Variants in MTBP observed in about 807,000 individuals in gnomAD.
MTBP encodes the protein mdm2-binding protein.
A neutral mutation model predicts 117.0 loss-of-function variants in MTBP; 101 were observed. That is an observed-to-expected ratio of 0.86 (90% CI 0.73 to 1.02). MTBP has a LOEUF of 1.02. MTBP is among the 50% of genes least tolerant of loss of function. The pLI, the probability that MTBP is intolerant of heterozygous loss-of-function variation, is 0.00. For synonymous variants in MTBP, 350 were observed against 351.5 expected, an observed-to-expected ratio of 1.00 and a Z score of 0.05; for missense variants, 970 against 1,030.9, an observed-to-expected ratio of 0.94 and a Z score of 0.81.
chr8:120,447,673 C>T (rs917178002), intron 2 of MTBP, among the ~76,000 whole-genome samples: 3 of 151,946 alleles, frequency 2.0e-5, no homozygotes, highest in Non-Finnish European at 4.4e-5. Flanking sequence ...ATTAAAAATT[C>T]TCTTACTGTT....
chr8:120,509,608 C>T (rs557600379), intron 16 of MTBP, among the ~76,000 whole-genome samples: 1 of 151,886 alleles, frequency 6.6e-6, no homozygotes, highest in Non-Finnish European at 1.5e-5. Flanking sequence ...TCCCCACCGC[C>T]CCCCCAAAAA....
At chr8:120,497,368 T>C in intron 13 of MTBP, 25 bp from the exon 14 acceptor site, 1 of 1,570,502 alleles carries the variant, frequency 6.4e-7, no homozygotes, top group Non-Finnish European at 8.6e-7. Context: ...ACAAAATAAG[T>C]CAATTGTATT....
chr8:120,476,736 C>T (rs936367264), intron 11 of MTBP, among the ~76,000 whole-genome samples: 2 of 152,066 alleles, frequency 1.3e-5, no homozygotes, highest in African/African-American at 4.8e-5. Context: ...CAAAGCACTG[C>T]TCAAGGAAAT....
chr8:120,463,630 A>C, intron 9 of MTBP, 62 bp from the exon 10 acceptor site: 1 of 1,297,240 alleles, frequency 7.7e-7, no homozygotes, highest in Non-Finnish European at 1.1e-6. Context: ...AATGAAACTT[A>C]TTTTAAGGAG....
chr8:120,517,337 G>A (rs1563806967), intron 18 of MTBP, among the ~76,000 whole-genome samples: 1 of 151,958 alleles, frequency 6.6e-6, no homozygotes, highest in Non-Finnish European at 1.5e-5. Flanking sequence ...ATATTTAACA[G>A]ATTAGTATTA....
intron 14 of MTBP, among the ~76,000 whole-genome samples, chr8:120,501,016 C>T (rs1192350246): frequency 1.3e-5 from 2 of 152,008 alleles, no homozygotes; most frequent in Non-Finnish European, 2.9e-5. Context: ...ATGGTGAAAC[C>T]CCGTCCCTAC....
intron 11 of MTBP, among the ~76,000 whole-genome samples, chr8:120,480,831 A>T (rs923720556): frequency 1.8e-4 from 28 of 152,250 alleles, no homozygotes; most frequent in African/African-American, 6.3e-4. Context: ...GAAAAAGAAA[A>T]CAAATTTATA....
intron 2 of MTBP, among the ~76,000 whole-genome samples, chr8:120,450,701 A>G (rs1048488379): frequency 1.3e-5 from 2 of 152,172 alleles, no homozygotes; most frequent in African/African-American, 4.8e-5. Flanking sequence ...TGTATTTTCA[A>G]CATCTTTATG....
rs1814952553 is a variant in MTBP, at chr8:120,518,097, A to T, written c.2493A>T (p.Thr831=). 1.2e-6 allele frequency: 2 copies of T among 1,611,280 alleles called. No homozygotes were observed. Among genetic ancestry groups the T allele is most frequent in the South Asian group, 1.1e-5 (1 of 90,842 alleles). ...AGGAATCAAGATCACAGAAACACAC[A>T]CGGGTAAAGATTTATTTCCCATTTT... is the stretch of plus-strand genomic sequence containing the variant. ...QIKESRSQKH[T]RILKEVVTET... The change falls in exon 19 of 22, where the codon ACA becomes ACT. Residue 831 remains threonine, a synonymous_variant. Transcript: ENST00000305949.
At chr8:120,463,811 C>T (rs1348909034) in intron 10 of MTBP, 50 bp downstream of exon 10, 1 of 1,512,810 alleles carries the variant, frequency 6.6e-7, no homozygotes, top group Non-Finnish European at 9.1e-7. Flanking sequence ...TTATACTTGC[C>T]ATTTAAGGAT....
chr8:120,521,062 C>G (rs899436547), intron 20 of MTBP, among the ~76,000 whole-genome samples: 1 of 151,974 alleles, frequency 6.6e-6, no homozygotes, highest in Non-Finnish European at 1.5e-5. Context: ...GCAACTAGAA[C>G]AAATTAGAGG....
intron 11 of MTBP, among the ~76,000 whole-genome samples, chr8:120,478,230 A>G (rs967567798): frequency 1.6e-4 from 24 of 152,150 alleles, no homozygotes; most frequent in African/African-American, 5.1e-4. Flanking sequence ...AGGGAGGGGA[A>G]CATCACATAC....
At position 120,518,827 on chromosome 8, in the gene MTBP, C is replaced by G; in HGVS notation, c.2610+10C>G. ...TAAGTTCTATCTAAAGGTACGGTAT[C>G]TTCTCTACTAATGGCAAAATTTAGT... On this transcript the variant is annotated intron_variant, in intron 20 of 21. Coordinates refer to ENST00000305949, the MANE Select transcript of MTBP (RefSeq NM_022045.5). 1 of 1,569,474 alleles carries G rather than the reference C, an allele frequency of 6.4e-7. No homozygotes were observed.
At position 120,463,729 on chromosome 8, in the gene MTBP, C is replaced by T; in HGVS notation, c.1015C>T (p.Leu339=). 6.2e-7 allele frequency: 1 copy of T among 1,611,408 alleles called. No individual in the cohort carries two copies. Among genetic ancestry groups the T allele is most frequent in the Non-Finnish European group, 8.5e-7 (1 of 1,178,344 alleles). Residue 339 remains leucine (L), a synonymous_variant, in exon 10 of 22, where the codon CTG becomes TTG. Transcript: ENST00000305949. ...CAGTACCAAACAGAATTCTGTGTTG[C>T]TGTTGGAGCAGATTTCTTCTCTGTG... is the stretch of plus-strand genomic sequence containing the variant. ...TNSTKQNSVL[L]LEQISSLCSK... is the part of the protein sequence containing the mutation.
At chr8:120,489,741 A>G (rs1258268066) in intron 12 of MTBP, among the ~76,000 whole-genome samples, 4 of 152,176 alleles carry the variant, frequency 2.6e-5, no homozygotes, top group African/African-American at 9.6e-5. Context: ...CAGGCCCCCA[A>G]GGCTCACGAA....
At chr8:120,445,704 G>A in intron 1 of MTBP, 116 bp downstream of exon 1, 1 of 802,634 alleles carries the variant, frequency 1.2e-6, no homozygotes, top group Middle Eastern at 2.4e-4. Context: ...ACGAAGCTGG[G>A]ACTCTATCTG....
intron 14 of MTBP, among the ~76,000 whole-genome samples, chr8:120,501,172 CAG>C (rs1814577799): frequency 9.0e-6 from 1 of 111,298 alleles, no homozygotes; most frequent in Admixed American, 1.3e-4. Flanking sequence ...GCCTGGGTGA[CAG>C]AGTGAAACTC....
At position 120,506,621 on chromosome 8, in the gene MTBP, G is replaced by A. The variant is rs560960157; in HGVS notation, c.1728-85G>A. ...GTTTCTGCTCACATCTTCTTTTCCC[G>A]ACTGTGCTTTTTTTTTTTTTTGACT... is the stretch of plus-strand genomic sequence containing the variant. On this transcript the variant is annotated intron_variant, in intron 15 of 21. Transcript: ENST00000305949. 2.5e-5 allele frequency: 26 copies of A among 1,029,440 alleles called. No homozygotes were observed. In the East Asian group the frequency reaches 2.8e-4, roughly 11 times the overall value. The allele number at this position is 1,029,440 out of a possible 1,614,324, so 63.8% of individuals were successfully genotyped here. A position where few individuals can be genotyped will look rare whatever the true frequency, so the allele number is the denominator to read the frequency against.
intron 11 of MTBP, 137 bp downstream of exon 11, chr8:120,471,074 A>G: frequency 1.7e-6 from 1 of 596,424 alleles, no homozygotes; most frequent in Non-Finnish European, 2.9e-6. Context: ...AGTCCACATC[A>G]TTTTAAGATT....
Sources: allele counts gnomAD v4.1 joint callset (sites outside exome capture counted in the v4.1 genomes callset), GRCh38; gene constraint gnomAD v4.1.1; transcripts MANE v1.5; gene names NCBI Gene and HGNC (gene_info 2026-07-23, HGNC 2026-07-21).